CCIN: variants seen among roughly 807,000 people sequenced by gnomAD.
CCIN encodes testis tissue sperm-binding protein Li 65n.
A neutral mutation model predicts 32.2 loss-of-function variants in CCIN; 15 were observed. The observed-to-expected ratio is 0.47, with a 90% CI of 0.31 to 0.72. The LOEUF (loss-of-function observed/expected upper bound fraction) is 0.72, where lower values mean the gene tolerates loss of function less well. Among genes scored for constraint, CCIN ranks in the 30% least tolerant of loss-of-function variants. The pLI, the probability that CCIN is intolerant of heterozygous loss-of-function variation, is 0.05. For missense variants in CCIN, 623 were observed against 759.4 expected (o/e 0.82, Z 2.11); for synonymous variants, 302 against 297.4 (o/e 1.02, Z -0.16).
rs762028043 is a variant in CCIN at position 36,170,352 on chromosome 9, C to T, written c.850C>T (p.Leu284Phe). 3.7e-6 allele frequency: 6 copies of T among 1,614,188 alleles called. No homozygotes were observed. The highest frequency in any genetic ancestry group is 4.5e-5 in the East Asian group (2 of 44,868). ...KGALLDSVVI[L>F]GGQKAHGQFN... ...GGCCCTGCTTGATTCCGTGGTCATC[C>T]TCGGTGGCCAGAAGGCCCACGGCCA... Residue 284 changes from leucine (L) to phenylalanine (F), a missense_variant, in exon 1 of 1, where the codon CTC becomes TTC. Leu to Phe is a conservative substitution (Grantham distance 22). Coordinates refer to ENST00000335119, the MANE Select transcript of CCIN (RefSeq NM_005893.3).
In CCIN at chr9:36,170,061, GA is replaced by G; in HGVS notation, c.563del (p.Asn188ThrfsTer65). On this transcript the variant is annotated frameshift_variant, in exon 1 of 1. Transcript: ENST00000335119. LOFTEE classifies it high-confidence loss of function. ...TATCTTTGGCCGCCTGCTCCGTGAT[GA>G]AAACCTTCACGTGCTCAATGAAGAC... is the stretch of plus-strand genomic sequence containing the variant. ...PVIFGRLLRDENLHVLNEDQA... is the reference protein window; with the variant it reads ...PVIFGRLLRDXNLHVLNEDQA... 1 of 1,614,174 alleles carries G rather than the reference GA, an allele frequency of 6.2e-7. No homozygotes were observed. Among genetic ancestry groups the G allele is most frequent in the Non-Finnish European group, 8.5e-7 (1 of 1,180,036 alleles).
In CCIN at chr9:36,169,587, G is replaced by A; in HGVS notation, c.85G>A (p.Asp29Asn). The A allele has an allele frequency of 6.2e-7, 1 of 1,614,232 alleles. No homozygotes were observed. Among genetic ancestry groups the A allele is most frequent in the South Asian group, 1.1e-5 (1 of 91,088 alleles). The change falls in exon 1 of 1, where the codon GAC (aspartate) becomes AAC (asparagine). Residue 29 changes from aspartate (D) to asparagine (N), a missense_variant. Asp to Asn is a conservative substitution (Grantham distance 23, BLOSUM62 1). Transcript: ENST00000335119. ...NRQRKRKEYW[D>N]MALSVDNHVF... ...ACAGAGGAAACGCAAAGAGTACTGG[G>A]ACATGGCCCTGAGTGTGGACAACCA...
chr9:36,171,104 C>T lies in CCIN; in HGVS notation c.1602C>T (p.Thr534=). 6.2e-7 allele frequency: 1 copy of T among 1,614,184 alleles called. No individual in the cohort carries two copies. The change falls in exon 1 of 1, where the codon ACC becomes ACT. Residue 534 remains threonine (T), a synonymous_variant. Coordinates refer to ENST00000335119, the MANE Select transcript of CCIN (RefSeq NM_005893.3). ...AGGTGTTTGTATGTGGGGGTGTCAC[C>T]ACTGCCAGCGATGTCCAGACAAAGG... is the stretch of plus-strand genomic sequence containing the variant. ...DSKVFVCGGV[T]TASDVQTKDY...
Position 36,171,116 on chromosome 9 carries a change from T to G in CCIN, c.1614T>G (p.Asp538Glu). The G allele has an allele frequency of 6.2e-7, 1 of 1,614,198 alleles. No homozygotes were observed. Among genetic ancestry groups the G allele is most frequent in the Non-Finnish European group, 8.5e-7 (1 of 1,180,032 alleles). Residue 538 changes from aspartate to glutamate, a missense_variant, in exon 1 of 1, where the codon GAT becomes GAG. Asp to Glu is a conservative substitution (Grantham distance 45). Coordinates refer to ENST00000335119, the MANE Select transcript of CCIN (RefSeq NM_005893.3). ...FVCGGVTTASDVQTKDYTINP... is the reference protein window; with the variant it reads ...FVCGGVTTASEVQTKDYTINP... ...GTGGGGGTGTCACCACTGCCAGCGA[T>G]GTCCAGACAAAGGACTACACCATCA...
rs1826283804 is a variant in CCIN, at chr9:36,169,811, G to T, written c.309G>T (p.Glu103Asp). The change falls in exon 1 of 1, where the codon GAG (glutamate) becomes GAT (aspartate). Residue 103 changes from glutamate to aspartate, a missense_variant. Transcript: ENST00000335119. ...TGATCTCCGAGCAAAATGTGGAGGA[G>T]CTGCTTCGTGGGGCTCAGTATTTCA... ...KVVISEQNVE[E>D]LLRGAQYFNT... 1 of 1,614,072 alleles carries T rather than the reference G, an allele frequency of 6.2e-7. No individual in the cohort carries two copies. Among genetic ancestry groups the T allele is most frequent in the Admixed American group, 1.7e-5 (1 of 60,006 alleles).
In CCIN at chr9:36,170,776, A is replaced by G. The variant is rs761261831; in HGVS notation, c.1274A>G (p.His425Arg). The change falls in exon 1 of 1, where the codon CAT becomes CGT. Residue 425 changes from histidine (H) to arginine (R), a missense_variant. Physicochemically the swap from His to Arg is conservative, Grantham distance 29. Coordinates refer to ENST00000335119, the MANE Select transcript of CCIN (RefSeq NM_005893.3). Reference sequence around the variant, plus strand: ...GCCGTGATCACTAAAGGAGACAGGCATCTGTACATTGTCACTGGACGGTGC... The same window carrying G: ...GCCGTGATCACTAAAGGAGACAGGCGTCTGTACATTGTCACTGGACGGTGC... ...GTAVITKGDRHLYIVTGRCLV... is the reference protein window; with the variant it reads ...GTAVITKGDRRLYIVTGRCLV... The G allele has an allele frequency of 2.5e-6, 4 of 1,614,274 alleles. No individual in the cohort carries two copies. Among genetic ancestry groups the G allele is most frequent in the Non-Finnish European group, 3.4e-6 (4 of 1,180,048 alleles).
Position 36,169,472 on chromosome 9 carries a change from T to C in CCIN, c.-31T>C, listed in dbSNP as rs1437685097. Reference sequence around the variant, plus strand: ...AGAAAGTCTGCTCTCCAGTACCTGCTGCTGATCTGTTTCAGCCGACAAGAG... The same window carrying C: ...AGAAAGTCTGCTCTCCAGTACCTGCCGCTGATCTGTTTCAGCCGACAAGAG... On this transcript the variant is annotated 5_prime_UTR_variant, in exon 1 of 1. Coordinates refer to ENST00000335119, the MANE Select transcript of CCIN (RefSeq NM_005893.3). The C allele has an allele frequency of 6.2e-7, 1 of 1,609,536 alleles. No individual in the cohort carries two copies. The highest frequency in any genetic ancestry group is 8.5e-7 in the Non-Finnish European group (1 of 1,176,168).
rs1826312390 is a variant in CCIN, at chr9:36,171,269, A to C, written c.1767A>C (p.Ter589TyrextTer3). The stretch of plus-strand genomic sequence containing the variant: ...CTTGCAAGATTCTTCAAAGGATTTA[A>C]ACATTTTAAGTGGGAGAATAAGTAA... Reference protein sequence around the residue: ...KLPCKILQRI* With the variant: ...KLPCKILQRIY Residue 589 changes from the stop codon to tyrosine, a stop_lost, in exon 1 of 1, where the codon TAA becomes TAC. Coordinates refer to ENST00000335119, the MANE Select transcript of CCIN (RefSeq NM_005893.3). The C allele has an allele frequency of 6.2e-7, 1 of 1,611,530 alleles. No individual in the cohort carries two copies. The highest frequency in any genetic ancestry group is 1.1e-5 in the South Asian group (1 of 90,682).
Position 36,169,739 on chromosome 9 carries a change from G to A in CCIN, c.237G>A (p.Pro79=), listed in dbSNP as rs1359999302. Residue 79 remains proline (P), a synonymous_variant, in exon 1 of 1, where the codon CCG becomes CCA. Coordinates refer to ENST00000335119, the MANE Select transcript of CCIN (RefSeq NM_005893.3). ...CCATTGACACCAGTTACCTGAGCCC[G>A]GTCACAGTGGACCAGCTTCTGGACT... ...FITIDTSYLS[P]VTVDQLLDYF... The A allele has an allele frequency of 4.3e-6, 7 of 1,614,014 alleles. No individual in the cohort carries two copies. Among genetic ancestry groups the A allele is most frequent in the Middle Eastern group, 1.6e-4 (1 of 6,080 alleles).
Position 36,169,915 on chromosome 9 carries a change from T to C in CCIN, c.413T>C (p.Phe138Ser). 1.2e-6 allele frequency: 2 copies of C among 1,614,050 alleles called. No individual in the cohort carries two copies. Among genetic ancestry groups the C allele is most frequent in the Non-Finnish European group, 8.5e-7 (1 of 1,180,012 alleles). Residue 138 changes from phenylalanine (F) to serine (S), a missense_variant, in exon 1 of 1, where the codon TTC becomes TCC. By Grantham distance (155) the Phe-to-Ser change is radical. Transcript: ENST00000335119. The stretch of plus-strand genomic sequence containing the variant: ...CGTGCCAACTGCTTGCGCTACCTCT[T>C]CTTGGCTGAGCTGTTTGAGCTCAAA... ...ICRANCLRYL[F>S]LAELFELKEV... is the part of the protein sequence containing the mutation.
rs3739609 is a variant in CCIN at position 36,169,601 on chromosome 9, T to C, written c.99T>C (p.Ser33=). Residue 33 remains serine, a synonymous_variant, in exon 1 of 1, where the codon AGT becomes AGC. Coordinates refer to ENST00000335119, the MANE Select transcript of CCIN (RefSeq NM_005893.3). The stretch of plus-strand genomic sequence containing the variant: ...AAGAGTACTGGGACATGGCCCTGAG[T>C]GTGGACAACCACGTCTTCTTTGCAC... ...KRKEYWDMAL[S]VDNHVFFAHR... 0.45 allele frequency: 722,093 copies of C among 1,613,950 alleles called. 164,967 individuals are homozygous for C. Among genetic ancestry groups the C allele is most frequent in the African/African-American group, 0.59 (44,129 of 74,974 alleles).
Position 36,170,093 on chromosome 9 carries a change from G to C in CCIN, c.591G>C (p.Ala197=), listed in dbSNP as rs377033104. Residue 197 remains alanine (A), a synonymous_variant, in exon 1 of 1, where the codon GCG becomes GCC. Transcript: ENST00000335119. ...ENLHVLNEDQ[A]LSALINWVYF... ...TTCACGTGCTCAATGAAGACCAGGC[G>C]CTCAGCGCACTCATCAATTGGGTGT... 4.8e-5 allele frequency: 77 copies of C among 1,614,054 alleles called. No individual in the cohort carries two copies. The highest frequency in any genetic ancestry group is 6.4e-5 in the Non-Finnish European group (76 of 1,180,048).
rs757356922 is a variant in CCIN, at chr9:36,169,956, G to A, written c.454G>A (p.Ala152Thr). The A allele has an allele frequency of 2.5e-6, 4 of 1,614,024 alleles. No individual in the cohort carries two copies. The highest frequency in any genetic ancestry group is 2.5e-6 in the Non-Finnish European group (3 of 1,180,020). ...LFELKEVSDVAYSGIRDNFHY... is the reference protein window; with the variant it reads ...LFELKEVSDVTYSGIRDNFHY... ...TGAGCTCAAAGAGGTATCAGACGTA[G>A]CTTACTCTGGCATTCGGGACAACTT... The change falls in exon 1 of 1, where the codon GCT (alanine) becomes ACT (threonine). Residue 152 changes from alanine (A) to threonine (T), a missense_variant. Ala to Thr is a moderately conservative substitution (Grantham distance 58, BLOSUM62 0). Coordinates refer to ENST00000335119, the MANE Select transcript of CCIN (RefSeq NM_005893.3).
Position 36,170,386 on chromosome 9 carries a change from A to T in CCIN, c.884A>T (p.Asp295Val). Reference sequence around the variant, plus strand: ...CAGAAGGCCCACGGCCAGTTCAATGATGGAGTGTTTGCTTATATCATCCAG... The same window carrying T: ...CAGAAGGCCCACGGCCAGTTCAATGTTGGAGTGTTTGCTTATATCATCCAG... ...GGQKAHGQFN[D>V]GVFAYIIQEN... Residue 295 changes from aspartate (D) to valine (V), a missense_variant, in exon 1 of 1, where the codon GAT becomes GTT. Coordinates refer to ENST00000335119, the MANE Select transcript of CCIN (RefSeq NM_005893.3). The T allele has an allele frequency of 6.2e-7, 1 of 1,614,184 alleles. No homozygotes were observed.
chr9:36,170,510 T>C lies in CCIN; in HGVS notation c.1008T>C (p.Thr336=), dbSNP rs1826297040. The change falls in exon 1 of 1, where the codon ACT becomes ACC. Residue 336 remains threonine (T), a synonymous_variant. Transcript: ENST00000335119. The part of the protein sequence containing the change: ...GRYIYISGGT[T]EQISGLKTAW... ...ACATCTACATCTCTGGTGGCACCAC[T>C]GAGCAGATTTCAGGGCTGAAGACAG... 1.2e-6 allele frequency: 2 copies of C among 1,614,040 alleles called. No homozygotes were observed. The highest frequency in any genetic ancestry group is 1.7e-6 in the Non-Finnish European group (2 of 1,180,042).
chr9:36,170,828 C>T lies in CCIN; in HGVS notation c.1326C>T (p.Val442=), dbSNP rs777875137. The T allele has an allele frequency of 2.0e-5, 32 of 1,614,108 alleles. No homozygotes were observed. The highest frequency in any genetic ancestry group is 3.3e-4 in the Middle Eastern group (2 of 6,084). ...TGGTGAAAGGTTATATCTCCCGGGT[C>T]GGGGTAGTGGACTGCTTTGACACCA... ...RCLVKGYISR[V]GVVDCFDTST... Residue 442 remains valine, a synonymous_variant, in exon 1 of 1, where the codon GTC becomes GTT. Transcript: ENST00000335119.
At position 36,170,473 on chromosome 9, in the gene CCIN, C is replaced by T. The variant is rs1488278724; in HGVS notation, c.971C>T (p.Ser324Phe). The change falls in exon 1 of 1, where the codon TCT (serine) becomes TTT (phenylalanine). Residue 324 changes from serine (S) to phenylalanine (F), a missense_variant. Ser to Phe is a radical substitution (Grantham distance 155). Transcript: ENST00000335119. ...PYRAAALSAT[S>F]AGRYIYISGG... The stretch of plus-strand genomic sequence containing the variant: ...CGGGCAGCAGCACTTAGTGCCACCT[C>T]TGCTGGTCGCTACATCTACATCTCT... The T allele has an allele frequency of 2.5e-6, 4 of 1,614,176 alleles. No homozygotes were observed. The highest frequency in any genetic ancestry group is 3.4e-6 in the Non-Finnish European group (4 of 1,180,052).
In CCIN at chr9:36,170,006, C is replaced by T. The variant is rs769020624; in HGVS notation, c.504C>T (p.Gly168=). 3.1e-6 allele frequency: 5 copies of T among 1,613,938 alleles called. No homozygotes were observed. The highest frequency in any genetic ancestry group is 3.3e-5 in the Admixed American group (2 of 60,006). Residue 168 remains glycine (G), a synonymous_variant, in exon 1 of 1, where the codon GGC becomes GGT. Coordinates refer to ENST00000335119, the MANE Select transcript of CCIN (RefSeq NM_005893.3). The part of the protein sequence containing the change: ...DNFHYWASPE[G]SMHFMRCPPV... ...TCCACTACTGGGCCAGTCCTGAGGG[C>T]TCCATGCACTTCATGCGCTGTCCAC... is the stretch of plus-strand genomic sequence containing the variant.
In CCIN at chr9:36,170,765, AG is replaced by A. The variant is rs866665310; in HGVS notation, c.1265del (p.Gly422GlufsTer14). 1 of 1,614,170 alleles carries A rather than the reference AG, an allele frequency of 6.2e-7. No individual in the cohort carries two copies. The highest frequency in any genetic ancestry group is 1.3e-5 in the African/African-American group (1 of 74,962). ...PMDGTAVITK[G>X]DRHLYIVTGR... is the part of the protein sequence containing the mutation. ...TGGATGGCACCGCCGTGATCACTAA[AG>A]GAGACAGGCATCTGTACATTGTCAC... On this transcript the variant is annotated frameshift_variant, in exon 1 of 1. Transcript: ENST00000335119. LOFTEE classifies it high-confidence loss of function.
Sources: allele counts gnomAD v4.1 joint callset, GRCh38; gene constraint gnomAD v4.1.1; transcripts MANE v1.5; gene names NCBI Gene and HGNC (gene_info 2026-07-23, HGNC 2026-07-21).